The following TAF6 variants were observed in gnomAD, a reference collection of about 807,000 sequenced individuals.
The protein encoded by TAF6 is TATA-box binding protein associated factor 6.
A neutral mutation model predicts 73.5 loss-of-function variants in TAF6; 50 were observed. That is an observed-to-expected ratio of 0.68 (90% CI 0.54 to 0.86). TAF6 has a LOEUF of 0.86. Ranked by LOEUF, TAF6 falls within the 40% of genes least tolerant of loss-of-function variation. The probability of loss-of-function intolerance (pLI) is 0.00; values close to 1 mark genes in which losing one functional copy is unlikely to be tolerated. For synonymous variants in TAF6, 424 were observed against 376.7 expected, an observed-to-expected ratio of 1.13 and a Z score of -1.45; for missense variants, 768 against 899.5, an observed-to-expected ratio of 0.85 and a Z score of 1.87.
intron 1 of TAF6, among the ~76,000 whole-genome samples, chr7:100,118,178 CCTGT>C (rs1297829456): frequency 1.3e-5 from 2 of 151,942 alleles, no homozygotes; most frequent in Non-Finnish European, 2.9e-5. Flanking sequence ...ATGGTGAAAC[CCTGT>C]CTTTTTGTAA....
Position 100,107,180 on chromosome 7 carries a change from ATG to A in TAF6, c.*64_*65del, listed in dbSNP as rs1491234295. 2 of 1,517,948 alleles carry A rather than the reference ATG, an allele frequency of 1.3e-6. No individual in the cohort carries two copies. The highest frequency in any genetic ancestry group is 2.8e-5 in the African/African-American group (2 of 71,770). The allele number at this position is 1,517,948 out of a possible 1,614,324, so 94.0% of individuals were successfully genotyped here. ...ACTTCCTTCCGCTTAGCGAGCATGC[ATG>A]TGTGTACGTGCACGTGTGTACATGT... On this transcript the variant is annotated 3_prime_UTR_variant, in exon 15 of 15. Coordinates refer to ENST00000453269, the MANE Select transcript of TAF6 (RefSeq NM_139315.3).
chr7:100,119,584 G>A, upstream of TAF6: 3 of 1,467,214 alleles, frequency 2.0e-6, no homozygotes, highest in East Asian at 2.5e-5. Flanking sequence ...AGGGAAACCC[G>A]TAGCAACGAG....
chr7:100,107,534 G>C lies in TAF6; in HGVS notation c.1746C>G (p.Val582=). The C allele has an allele frequency of 6.2e-7, 1 of 1,614,108 alleles. No homozygotes were observed. The highest frequency in any genetic ancestry group is 8.5e-7 in the Non-Finnish European group (1 of 1,180,004). ...CGGTGGTGGCGGTGGAGACCAACTT[G>C]ACGATGGGCTGCACGCTGGGGACGG... ...TTTVPSVQPI[V]KLVSTATTAP... Residue 582 remains valine, a synonymous_variant, in exon 15 of 15, where the codon GTC becomes GTG. Transcript: ENST00000453269.
intron 12 of TAF6, among the ~76,000 whole-genome samples, chr7:100,109,729 C>T (rs1204465010): frequency 2.0e-5 from 3 of 152,004 alleles, no homozygotes; most frequent in African/African-American, 7.2e-5. Context: ...CCTAGGCTCC[C>T]AGAGTGCTGG....
the TAF6 span, chr7:100,126,856 G>A: frequency 6.5e-6 from 1 of 154,464 alleles, no homozygotes; most frequent in Non-Finnish European, 1.4e-5. Context: ...AGTTGCTGGG[G>A]TTGCGGAGCG....
At chr7:100,124,442 C>G (rs567701245), upstream of TAF6, 14 of 1,208,530 alleles carry the variant, frequency 1.2e-5, no homozygotes, top group East Asian at 2.6e-4. Context: ...TCAGGTTGAG[C>G]AGGGAGAGAA....
chr7:100,123,203 G>A (rs1463670402), upstream of TAF6, among the ~76,000 whole-genome samples: 3 of 152,036 alleles, frequency 2.0e-5, no homozygotes, highest in Non-Finnish European at 4.4e-5. Flanking sequence ...TTAGCTGGGC[G>A]TGGTGGTGCA....
chr7:100,117,887 G>C (rs990492696), intron 1 of TAF6, among the ~76,000 whole-genome samples: 2 of 151,384 alleles, frequency 1.3e-5, no homozygotes, highest in African/African-American at 4.8e-5. Context: ...CTAAAAAATA[G>C]AAAAAATTAG....
the TAF6 span, among the ~76,000 whole-genome samples, chr7:100,125,739 C>T: frequency 2.0e-5 from 3 of 152,098 alleles, no homozygotes; most frequent in Admixed American, 6.6e-5. Context: ...CACTTGAGTC[C>T]AAAAGGTCAA....
At chr7:100,122,052 A>AT, upstream of TAF6, 2 of 452,856 alleles carry the variant, frequency 4.4e-6, no homozygotes, top group South Asian at 2.4e-5. Context: ...TCCGTCTGAA[A>AT]AAAAAAAAAA....
the TAF6 span, chr7:100,124,859 C>T: frequency 3.0e-5 from 48 of 1,605,428 alleles, no homozygotes; most frequent in African/African-American, 3.2e-4. Flanking sequence ...GACAGGAAGC[C>T]ACCCCAAACT....
upstream of TAF6, among the ~76,000 whole-genome samples, chr7:100,121,880 C>T (rs991546587): frequency 7.7e-6 from 1 of 130,560 alleles, no homozygotes; most frequent in Non-Finnish European, 1.7e-5. Flanking sequence ...GAAACCCTGT[C>T]TCTACTAAAA....
At chr7:100,121,181 C>T (rs1798055660), upstream of TAF6, 7 of 120,850 alleles carry the variant, frequency 5.8e-5, no homozygotes, top group Admixed American at 7.4e-4. Context: ...ATGCCGTTGC[C>T]CAGGCTGGAG....
Position 100,111,708 on chromosome 7 carries a change from G to A in TAF6, c.900+20C>T, listed in dbSNP as rs747417499. 6.2e-7 allele frequency: 1 copy of A among 1,612,336 alleles called. No homozygotes were observed. Among genetic ancestry groups the A allele is most frequent in the Admixed American group, 1.7e-5 (1 of 60,004 alleles). On this transcript the variant is annotated intron_variant, in intron 9 of 14. Transcript: ENST00000453269. The stretch of plus-strand genomic sequence containing the variant: ...CAGGGTCCCTAGTCCCTGGAAGGGA[G>A]GATGGGCAGGATCACTCACGTATTT...
In TAF6 at chr7:100,116,642, AAAC is replaced by A. The variant is rs533287341; in HGVS notation, c.-59-2377_-59-2375del. On this transcript the variant is annotated intron_variant, in intron 1 of 14. Transcript: ENST00000453269. ...GCAACAAAGCAAGACTTCTTCTCAA[AAAC>A]AACAACAACAACAACAAAAAAAACA... 696 of 152,090 alleles carry A rather than the reference AAAC, an allele frequency of 4.6e-3. 5 individuals are homozygous for A. Among genetic ancestry groups the A allele is most frequent in the African/African-American group, 0.015 (637 of 41,462 alleles). 9.4% of individuals were successfully genotyped at this position (152,090 alleles called of 1,614,324 possible). A position where few individuals can be genotyped will look rare whatever the true frequency, so the allele number is the denominator to read the frequency against.
At chr7:100,112,380 T>G in intron 6 of TAF6, 127 bp from the exon 7 acceptor site, 4 of 1,341,100 alleles carry the variant, frequency 3.0e-6, no homozygotes, top group Non-Finnish European at 4.0e-6. Flanking sequence ...TCCCCCATCC[T>G]TTCTGGGGCT....
chr7:100,121,441 A>G (rs993598973), upstream of TAF6: 1 of 148,106 alleles, frequency 6.8e-6, no homozygotes, highest in African/African-American at 2.5e-5. Flanking sequence ...TGGCCTATTT[A>G]TTTTTAATGT....
At chr7:100,126,887 A>C in the TAF6 span, 3 of 155,056 alleles carry the variant, frequency 1.9e-5, no homozygotes, top group South Asian at 5.5e-4. Context: ...AGGAGGCTGG[A>C]GCCCAGCCAG....
In TAF6 at chr7:100,112,088, C is replaced by A. The variant is rs1333658672; in HGVS notation, c.720+20G>T. ...AGGAGGAGGCGTCTCAGGGCCAGGG[C>A]AAGCTGGTGGGGCCCTCACCGCCCT... On this transcript the variant is annotated intron_variant, in intron 7 of 14. Transcript: ENST00000453269. The A allele has an allele frequency of 1.2e-6, 2 of 1,613,528 alleles. No individual in the cohort carries two copies. Among genetic ancestry groups the A allele is most frequent in the Admixed American group, 1.7e-5 (1 of 60,000 alleles).
Sources: gnomAD v4.1 joint callset for allele counts (sites outside exome capture counted in the v4.1 genomes callset) on GRCh38, gnomAD v4.1.1 for gene constraint, MANE v1.5 for transcripts, NCBI Gene and HGNC (gene_info 2026-07-23, HGNC 2026-07-21) for gene names.